Variants in PLCXD2 observed in about 807,000 individuals in gnomAD.
The protein encoded by PLCXD2 is phosphatidylinositol specific phospholipase C X domain containing 2, also known as PI-PLC X domain-containing protein 2.
In PLCXD2, 21 loss-of-function variants were observed where a neutral mutation model predicts 28.6. The ratio of observed to expected loss-of-function variants is 0.73; its 90% CI spans 0.52 to 1.06. The LOEUF (loss-of-function observed/expected upper bound fraction) is 1.06. PLCXD2 is among the 50% of genes least tolerant of loss of function. The probability of loss-of-function intolerance (pLI) is 0.00; values close to 1 mark genes in which losing one functional copy is unlikely to be tolerated. For synonymous variants in PLCXD2, 140 were observed against 150.1 expected, an observed-to-expected ratio of 0.93 and a Z score of 0.49; for missense variants, 369 against 376.7, an observed-to-expected ratio of 0.98 and a Z score of 0.17.
chr3:111,723,533 T>G (rs1559800272), intron 3 of PLCXD2: 3 of 152,234 alleles, frequency 2.0e-5, no homozygotes, highest in Non-Finnish European at 4.4e-5. Flanking sequence ...CACTCCTCCA[T>G]GCTGCTTGGA....
At position 111,675,159 on chromosome 3, in the gene PLCXD2, GC is replaced by G. The variant is rs1940600657; in HGVS notation, c.-84del. On this transcript the variant is annotated 5_prime_UTR_variant, in exon 1 of 5. Transcript: ENST00000477665. ...TGGAAAGACTGGCGTGGCAAGCGTC[GC>G]CCTGAAACGTCCACAGAGCCCAAGA... The G allele has an allele frequency of 1.3e-6, 2 of 1,486,988 alleles. No homozygotes were observed. The highest frequency in any genetic ancestry group is 2.8e-5 in the African/African-American group (2 of 71,316). 92.1% of individuals were successfully genotyped at this position (1,486,988 alleles called of 1,614,324 possible).
At chr3:111,689,571 A>G (rs935377589) in intron 1 of PLCXD2, among the ~76,000 whole-genome samples, 6 of 152,164 alleles carry the variant, frequency 3.9e-5, no homozygotes, top group African/African-American at 7.2e-5. Flanking sequence ...ACCTCTGTGC[A>G]CATTTCCATT....
chr3:111,709,059 A>C (rs1401149534), intron 2 of PLCXD2, among the ~76,000 whole-genome samples: 1 of 150,260 alleles, frequency 6.7e-6, no homozygotes. Flanking sequence ...AGGAGAAAAG[A>C]GCTTCAGGAA....
chr3:111,715,667 A>T (rs1024631231), intron 3 of PLCXD2, among the ~76,000 whole-genome samples: 1 of 152,210 alleles, frequency 6.6e-6, no homozygotes, highest in Non-Finnish European at 1.5e-5. Context: ...TGTCTACAGC[A>T]TATTATCATC....
At chr3:111,701,573 G>A in intron 1 of PLCXD2, among the ~76,000 whole-genome samples, 1 of 152,134 alleles carries the variant, frequency 6.6e-6, no homozygotes, top group South Asian at 2.1e-4. Context: ...GCGGGAAGTG[G>A]GAGGAATGTG....
intron 1 of PLCXD2, among the ~76,000 whole-genome samples, chr3:111,691,106 G>A (rs969067232): frequency 6.6e-6 from 1 of 152,264 alleles, no homozygotes; most frequent in East Asian, 1.9e-4. Context: ...GAAATTCTCA[G>A]CCAAAAAGCA....
chr3:111,713,923 T>C lies in PLCXD2; in HGVS notation c.661T>C (p.Tyr221His). The change falls in exon 3 of 5, where the codon TAC becomes CAC. Residue 221 changes from tyrosine to histidine, a missense_variant. By Grantham distance (83) the Tyr-to-His change is moderately conservative. Coordinates refer to ENST00000477665, the MANE Select transcript of PLCXD2 (RefSeq NM_001185106.1). Reference sequence around the variant, plus strand: ...CTACCACTGTCCCTTCTACAAGCAGTACCCCTTCCTGTGGCCAGGAAAGAA... The same window carrying C: ...CTACCACTGTCCCTTCTACAAGCAGCACCCCTTCCTGTGGCCAGGAAAGAA... 1 of 1,614,124 alleles carries C rather than the reference T, an allele frequency of 6.2e-7. No homozygotes were observed. Among genetic ancestry groups the C allele is most frequent in the Non-Finnish European group, 8.5e-7 (1 of 1,179,958 alleles).
intron 1 of PLCXD2, among the ~76,000 whole-genome samples, chr3:111,699,428 A>C (rs1355718229): frequency 6.6e-6 from 1 of 152,162 alleles, no homozygotes; most frequent in African/African-American, 2.4e-5. Context: ...TGGGTAATGA[A>C]AGTGCTTTAA....
chr3:111,719,411 T>C (rs1057185280), intron 3 of PLCXD2, among the ~76,000 whole-genome samples: 7 of 151,724 alleles, frequency 4.6e-5, no homozygotes, highest in Admixed American at 1.3e-4. Flanking sequence ...TAAAAGAAAA[T>C]GAAAAAATGA....
intron 1 of PLCXD2, among the ~76,000 whole-genome samples, chr3:111,675,840 G>C (rs1940612777): frequency 6.6e-6 from 1 of 152,168 alleles, no homozygotes; most frequent in Non-Finnish European, 1.5e-5. Context: ...ATCTGACCTT[G>C]TGTATTGGAA....
At chr3:111,699,975 A>T (rs976353208) in intron 1 of PLCXD2, among the ~76,000 whole-genome samples, 2 of 152,226 alleles carry the variant, frequency 1.3e-5, no homozygotes, top group African/African-American at 4.8e-5. Context: ...GTCCAGCCAG[A>T]GAAGACCATG....
intron 1 of PLCXD2, 89 bp from the exon 2 acceptor site, chr3:111,707,837 T>TTTTTG (rs1337533685): frequency 1.0e-5 from 13 of 1,245,268 alleles, no homozygotes; most frequent in South Asian, 8.0e-5. Context: ...TGGTGCTTAA[T>TTTTTG]TTTTGTTTTG....
intron 1 of PLCXD2, among the ~76,000 whole-genome samples, chr3:111,707,644 A>T (rs897520163): frequency 6.6e-6 from 1 of 152,212 alleles, no homozygotes; most frequent in East Asian, 1.9e-4. Flanking sequence ...TATTTTCAGC[A>T]TATTTCTAAA....
At chr3:111,680,911 A>G (rs1487164391) in intron 1 of PLCXD2, among the ~76,000 whole-genome samples, 2 of 152,216 alleles carry the variant, frequency 1.3e-5, no homozygotes, top group African/African-American at 2.4e-5. Flanking sequence ...TTCTCTCACA[A>G]AATAAGCACT....
chr3:111,720,522 A>G (rs777668545), intron 3 of PLCXD2, among the ~76,000 whole-genome samples: 21 of 152,358 alleles, frequency 1.4e-4, no homozygotes, highest in Admixed American at 1.2e-3. Flanking sequence ...GAAACCCTGG[A>G]AAGTGTAATT....
intron 1 of PLCXD2, among the ~76,000 whole-genome samples, chr3:111,690,449 T>C (rs1940857351): frequency 6.6e-6 from 1 of 152,138 alleles, no homozygotes; most frequent in Admixed American, 6.5e-5. Flanking sequence ...GTTTAAGTGG[T>C]CTATGTAGTA....
intron 3 of PLCXD2, among the ~76,000 whole-genome samples, chr3:111,715,928 C>T (rs1407461476): frequency 6.6e-6 from 1 of 152,210 alleles, no homozygotes; most frequent in Non-Finnish European, 1.5e-5. Context: ...TGTCACAAAG[C>T]TTTTCATATC....
At chr3:111,715,226 A>C (rs1307538304) in intron 3 of PLCXD2, among the ~76,000 whole-genome samples, 1 of 152,242 alleles carries the variant, frequency 6.6e-6, no homozygotes, top group Non-Finnish European at 1.5e-5. Flanking sequence ...AGTGAATTTT[A>C]TAAACCAGCA....
At chr3:111,721,917 A>G (rs1219276649) in intron 3 of PLCXD2, 1 of 152,220 alleles carries the variant, frequency 6.6e-6, no homozygotes, top group East Asian at 1.9e-4. Context: ...AATGGCATTA[A>G]AGGAGGAAGC....
Sources: gnomAD v4.1 joint callset for allele counts (sites outside exome capture counted in the v4.1 genomes callset) on GRCh38, gnomAD v4.1.1 for gene constraint, MANE v1.5 for transcripts, NCBI Gene and HGNC (gene_info 2026-07-23, HGNC 2026-07-21) for gene names.